SLC4A4: variants seen among roughly 807,000 people sequenced by gnomAD.
SLC4A4 encodes solute carrier family 4 member 4.
In SLC4A4, 27 loss-of-function variants were observed where a neutral mutation model predicts 111.5. That is an observed-to-expected ratio of 0.24 (90% CI 0.18 to 0.33). The LOEUF (loss-of-function observed/expected upper bound fraction) is 0.33. Among genes scored for constraint, SLC4A4 ranks in the 10% least tolerant of loss-of-function variants. The pLI, the probability that SLC4A4 is intolerant of heterozygous loss-of-function variation, is 1.00. For synonymous variants in SLC4A4, 443 were observed against 463.4 expected (o/e 0.96, Z 0.57); for missense variants, 909 against 1,315.5 (o/e 0.69, Z 4.78).
intron 2 of SLC4A4, among the ~76,000 whole-genome samples, chr4:71,162,848 T>G (rs1744647315): frequency 6.6e-6 from 1 of 152,212 alleles, no homozygotes; most frequent in Non-Finnish European, 1.5e-5. Context: ...TATTTGCTAT[T>G]TCAATTGTAT....
rs868725933 is a variant in SLC4A4, at chr4:71,102,799, C to T, written c.-2+10007C>T. Among the ~76,000 whole-genome samples, 304 of 151,638 alleles carry T rather than the reference C, an allele frequency of 2.0e-3. 1 individual carries two copies. The Middle Eastern group carries it at 0.028, about 14-fold the overall frequency. On this transcript the variant is annotated intron_variant, in intron 2 of 26. Coordinates refer to the SLC4A4 transcript ENST00000649996. Reference sequence around the variant, plus strand: ...TAAACATGGAAAGGAACAACCGGTACCAGCTGCTGCAAAATCATGCCAAAA... The same window carrying T: ...TAAACATGGAAAGGAACAACCGGTATCAGCTGCTGCAAAATCATGCCAAAA...
intron 3 of SLC4A4, among the ~76,000 whole-genome samples, chr4:71,296,164 G>A (rs999541931): frequency 6.6e-6 from 1 of 150,828 alleles, no homozygotes; most frequent in Non-Finnish European, 1.5e-5. Context: ...ATATGACTGT[G>A]TTTTTATTTT....
intron 6 of SLC4A4, among the ~76,000 whole-genome samples, chr4:71,359,643 G>C (rs139399055): frequency 2.0e-5 from 3 of 152,026 alleles, no homozygotes; most frequent in Non-Finnish European, 4.4e-5. Context: ...CTAAACAAAC[G>C]TTCTTAGAAT....
At chr4:71,102,892 A>C (rs1027434333) in intron 2 of SLC4A4, among the ~76,000 whole-genome samples, 1 of 152,014 alleles carries the variant, frequency 6.6e-6, no homozygotes, top group Non-Finnish European at 1.5e-5. Flanking sequence ...CTAACATCAT[A>C]ATGACAGGAT....
chr4:71,265,889 A>C (rs1722217050), intron 3 of SLC4A4, among the ~76,000 whole-genome samples: 1 of 152,224 alleles, frequency 6.6e-6, no homozygotes, highest in African/African-American at 2.4e-5. Context: ...AATTACCAGC[A>C]TACCATATGA....
chr4:71,496,828 A>G (rs572318673), intron 15 of SLC4A4, among the ~76,000 whole-genome samples: 54 of 152,256 alleles, frequency 3.5e-4, no homozygotes, highest in Middle Eastern at 3.4e-3. Context: ...TCCATACACA[A>G]CTACATAGCC....
rs78988817 is a variant in SLC4A4, at chr4:71,380,574, G to C, written c.731-17003G>C. On this transcript the variant is annotated intron_variant, in intron 6 of 25. Transcript: ENST00000264485. ...GGCTGCTCCATGCATCTGGGTCCTGGCCTGAGGACATAAATGCAGAACCAA... is the reference window on the plus strand; with the variant it reads ...GGCTGCTCCATGCATCTGGGTCCTGCCCTGAGGACATAAATGCAGAACCAA... 1.5e-3 allele frequency among the ~76,000 whole-genome samples: 231 copies of C among 152,270 alleles called. 10 individuals are homozygous for C. The East Asian group carries it at 0.042, about 28-fold the overall frequency.
At chr4:71,167,028 G>T (rs1744795559) in intron 2 of SLC4A4, among the ~76,000 whole-genome samples, 1 of 152,158 alleles carries the variant, frequency 6.6e-6, no homozygotes, top group South Asian at 2.1e-4. Flanking sequence ...TATGTTCACA[G>T]ATTCTGTGGG....
intron 2 of SLC4A4, among the ~76,000 whole-genome samples, chr4:71,113,298 G>C (rs1743146242): frequency 6.6e-6 from 1 of 152,068 alleles, no homozygotes; most frequent in Admixed American, 6.6e-5. Context: ...ATCTTTACTT[G>C]GCCTTGTACA....
intron 2 of SLC4A4, among the ~76,000 whole-genome samples, chr4:71,119,475 A>G (rs1411153784): frequency 6.6e-6 from 1 of 152,004 alleles, no homozygotes; most frequent in Non-Finnish European, 1.5e-5. Context: ...TCAAACTCCT[A>G]GGTTCAAATG....
intron 7 of SLC4A4, among the ~76,000 whole-genome samples, chr4:71,422,105 A>G (rs1722577277): frequency 6.8e-6 from 1 of 146,874 alleles, no homozygotes; most frequent in South Asian, 2.2e-4. Flanking sequence ...CTAATAAAGA[A>G]AAAAAGAGAG....
intron 2 of SLC4A4, among the ~76,000 whole-genome samples, chr4:71,095,409 G>C (rs1742516399): frequency 6.6e-6 from 1 of 152,218 alleles, no homozygotes; most frequent in South Asian, 2.1e-4. Flanking sequence ...GACAGCACCA[G>C]GGTGGGGAGT....
chr4:71,461,608 G>A (rs1726834226), intron 12 of SLC4A4, among the ~76,000 whole-genome samples: 1 of 152,118 alleles, frequency 6.6e-6, no homozygotes, highest in South Asian at 2.1e-4. Context: ...CCAAGTTGCT[G>A]AAAGACATAA....
At chr4:71,080,360 T>C (rs531705812) in intron 1 of SLC4A4, among the ~76,000 whole-genome samples, 182 of 152,170 alleles carry the variant, frequency 1.2e-3, no homozygotes, top group Non-Finnish European at 2.1e-3. Context: ...TGGGACCCCT[T>C]AAGCCAGAGG....
chr4:71,447,680 G>A lies in SLC4A4; in HGVS notation c.1000G>A (p.Ala334Thr). 3.1e-6 allele frequency: 5 copies of A among 1,613,142 alleles called. No individual in the cohort carries two copies. The highest frequency in any genetic ancestry group is 4.2e-6 in the Non-Finnish European group (5 of 1,179,320). Residue 334 changes from alanine (A) to threonine (T), a missense_variant, in exon 9 of 26, where the codon GCC (alanine) becomes ACC (threonine). By Grantham distance (58) the Ala-to-Thr change is moderately conservative. Transcript: ENST00000264485. The stretch of plus-strand genomic sequence containing the variant: ...CATTCTCTTAGGTCCTAAGGGGAAA[G>A]CCAAGTCCTACCACGAGATTGGCAG... ...LFILLGPKGK[A>T]KSYHEIGRAI... is the part of the protein sequence containing the mutation.
intron 3 of SLC4A4, among the ~76,000 whole-genome samples, chr4:71,330,189 A>G (rs1727851127): frequency 6.6e-6 from 1 of 152,078 alleles, no homozygotes; most frequent in African/African-American, 2.4e-5. Context: ...GAACTTTTTA[A>G]TGTGTGTTGA....
chr4:71,120,100 T>C (rs981914538), intron 2 of SLC4A4, among the ~76,000 whole-genome samples: 3 of 152,214 alleles, frequency 2.0e-5, no homozygotes, highest in African/African-American at 7.2e-5. Context: ...TCGGTTCTTA[T>C]GCTTGTGGTT....
chr4:71,555,545 G>A (rs1736395641), intron 21 of SLC4A4, among the ~76,000 whole-genome samples: 1 of 151,800 alleles, frequency 6.6e-6, no homozygotes, highest in African/African-American at 2.4e-5. Context: ...CTCTTTCTGT[G>A]TGTTCTTAAA....
At chr4:71,481,314 T>A (rs890455146) in intron 14 of SLC4A4, among the ~76,000 whole-genome samples, 3 of 151,714 alleles carry the variant, frequency 2.0e-5, no homozygotes, top group African/African-American at 7.2e-5. Context: ...CCTCACAGTC[T>A]CACGTGAGTT....
Sources: allele counts gnomAD v4.1 joint callset (sites outside exome capture counted in the v4.1 genomes callset), GRCh38; gene constraint gnomAD v4.1.1; transcripts MANE v1.5; gene names NCBI Gene and HGNC (gene_info 2026-07-23, HGNC 2026-07-21).